Variants in SCMH1 observed in about 807,000 individuals in gnomAD.
The protein encoded by SCMH1 is polycomb protein SCMH1.
A neutral mutation model predicts 70.8 loss-of-function variants in SCMH1; 37 were observed. That is an observed-to-expected ratio of 0.52 (90% CI 0.40 to 0.69). The LOEUF (loss-of-function observed/expected upper bound fraction) is 0.69. SCMH1 is among the 30% of genes least tolerant of loss of function. The pLI, the probability that SCMH1 is intolerant of heterozygous loss-of-function variation, is 0.00. For synonymous variants in SCMH1, 292 were observed against 307.4 expected (o/e 0.95, Z 0.52); for missense variants, 607 against 827.3 (o/e 0.73, Z 3.27).
intron 12 of SCMH1, chr1:41,043,862 GTAAA>G (rs1341450951): frequency 2.0e-5 from 3 of 152,022 alleles, no homozygotes; most frequent in African/African-American, 7.2e-5. Context: ...AAATGGTTCA[GTAAA>G]TAAATGAAAA....
At chr1:41,219,932 CA>C (rs147480594) in intron 1 of SCMH1, among the ~76,000 whole-genome samples, 13,061 of 120,922 alleles carry the variant, frequency 0.11, 684 homozygotes, top group South Asian at 0.19. Context: ...CTCCGTCTCA[CA>C]AAAAAAAAAA....
intron 2 of SCMH1, among the ~76,000 whole-genome samples, chr1:41,182,858 T>G (rs1469870259): frequency 6.6e-6 from 1 of 152,216 alleles, no homozygotes; most frequent in Non-Finnish European, 1.5e-5. Flanking sequence ...TTTTAAGTAC[T>G]GCCATAAACT....
chr1:41,142,899 C>T (rs1395868761), exon 6 of SCMH1: 3 of 1,613,892 alleles, frequency 1.9e-6, no homozygotes, highest in Non-Finnish European at 1.7e-6. Flanking sequence ...TGTAGCATAC[C>T]CCCATTCTTT....
At chr1:41,190,203 CAAG>C (rs1488805100) in intron 1 of SCMH1, among the ~76,000 whole-genome samples, 1 of 152,022 alleles carries the variant, frequency 6.6e-6, no homozygotes. Flanking sequence ...AGTAAAGCAA[CAAG>C]AAGAGTGAGA....
chr1:41,228,067 G>T (rs1381780181), intron 1 of SCMH1, among the ~76,000 whole-genome samples: 2 of 152,294 alleles, frequency 1.3e-5, no homozygotes, highest in East Asian at 3.9e-4. Flanking sequence ...GCAATAGGCA[G>T]CACAGCAGAG....
chr1:41,134,119 C>T lies in SCMH1; in HGVS notation c.412+8759G>A, dbSNP rs149044532. Among the ~76,000 whole-genome samples, 295 of 152,264 alleles carry T rather than the reference C, an allele frequency of 1.9e-3. 1 individual carries two copies. The highest frequency in any genetic ancestry group is 6.5e-3 in the African/African-American group (269 of 41,556). Reference sequence around the variant, plus strand: ...TCGGCTTCATCCCTGGGAAGCAAGGCTAGTTCAACATACGCAAATCAATAA... The same window carrying T: ...TCGGCTTCATCCCTGGGAAGCAAGGTTAGTTCAACATACGCAAATCAATAA... On this transcript the variant is annotated intron_variant, in intron 6 of 14. Coordinates refer to ENST00000337495, the Ensembl canonical transcript of SCMH1.
chr1:41,169,835 G>A (rs867517415), intron 2 of SCMH1, among the ~76,000 whole-genome samples: 45 of 152,252 alleles, frequency 3.0e-4, no homozygotes, highest in African/African-American at 1.1e-3. Context: ...TCCTGCAGAG[G>A]TCTAGAGATC....
intron 12 of SCMH1, among the ~76,000 whole-genome samples, chr1:41,044,905 A>G (rs1646708076): frequency 1.3e-5 from 2 of 152,148 alleles, no homozygotes; most frequent in South Asian, 4.2e-4. Context: ...TGCTACCAGT[A>G]TGTTTCTCTC....
At chr1:41,125,197 A>C (rs1672880695) in intron 6 of SCMH1, among the ~76,000 whole-genome samples, 1 of 151,984 alleles carries the variant, frequency 6.6e-6, no homozygotes. Flanking sequence ...TAGTTGCAAA[A>C]AAGTAATTTT....
intron 6 of SCMH1, among the ~76,000 whole-genome samples, chr1:41,127,542 A>T (rs1467049951): frequency 6.6e-6 from 1 of 152,160 alleles, no homozygotes; most frequent in African/African-American, 2.4e-5. Context: ...TCTTTTCCTA[A>T]TGGCTATTAA....
At chr1:41,123,194 C>A (rs1672364110) in intron 6 of SCMH1, among the ~76,000 whole-genome samples, 5 of 152,108 alleles carry the variant, frequency 3.3e-5, no homozygotes. Context: ...TGCATTCCAG[C>A]CTGAGTGACA....
chr1:41,046,751 C>A, intron 11 of SCMH1, 153 bp from the exon 12 acceptor site: 1 of 643,960 alleles, frequency 1.6e-6, no homozygotes. Flanking sequence ...CCTTTAACTC[C>A]CTCCCTCGAG....
rs72665606 is a variant in SCMH1 at position 41,146,927 on chromosome 1, C to T, written c.178-3815G>A. 1.5e-3 allele frequency among the ~76,000 whole-genome samples: 234 copies of T among 152,158 alleles called. 2 individuals carry two copies. In the Middle Eastern group the frequency reaches 0.027, roughly 18 times the overall value. On this transcript the variant is annotated intron_variant, in intron 5 of 14. Transcript: ENST00000337495. Reference sequence around the variant, plus strand: ...ATGAATCAAAATTTTGGTCAGGCATCTTCTAAGGTTTTCTTTATATAAATT... The same window carrying T: ...ATGAATCAAAATTTTGGTCAGGCATTTTCTAAGGTTTTCTTTATATAAATT...
chr1:41,040,088 C>T (rs1398703057), intron 12 of SCMH1, among the ~76,000 whole-genome samples: 1 of 151,936 alleles, frequency 6.6e-6, no homozygotes, highest in Non-Finnish European at 1.5e-5. Flanking sequence ...ATTCCTTTGC[C>T]CATCTATAAA....
At chr1:41,066,385 C>T (rs1273804906) in intron 10 of SCMH1, among the ~76,000 whole-genome samples, 1 of 152,188 alleles carries the variant, frequency 6.6e-6, no homozygotes, top group Non-Finnish European at 1.5e-5. Flanking sequence ...GTTTCCTAGC[C>T]AATCTCAGCC....
At chr1:41,128,563 C>T (rs1399427075) in intron 6 of SCMH1, among the ~76,000 whole-genome samples, 1 of 152,040 alleles carries the variant, frequency 6.6e-6, no homozygotes, top group Admixed American at 6.6e-5. Context: ...GCTTGTTTTT[C>T]TCTGGCTGCT....
chr1:41,060,377 A>T (rs1652174094), intron 10 of SCMH1, among the ~76,000 whole-genome samples: 2 of 152,052 alleles, frequency 1.3e-5, no homozygotes, highest in African/African-American at 2.4e-5. Context: ...GCAAGAAGAG[A>T]GTGAAATATT....
intron 1 of SCMH1, among the ~76,000 whole-genome samples, chr1:41,241,370 C>T (rs1573359167): frequency 6.6e-6 from 1 of 152,330 alleles, no homozygotes; most frequent in African/African-American, 2.4e-5. Flanking sequence ...TGGCTCACTT[C>T]GGTGCGGGGC....
chr1:41,113,148 T>TA lies in SCMH1; in HGVS notation c.745+134dup. 1 of 1,161,376 alleles carries TA rather than the reference T, an allele frequency of 8.6e-7. No homozygotes were observed. Among genetic ancestry groups the TA allele is most frequent in the Non-Finnish European group, 1.2e-6 (1 of 831,486 alleles). 71.9% of individuals were successfully genotyped at this position (1,161,376 alleles called of 1,614,324 possible). A position where few individuals can be genotyped will look rare whatever the true frequency, so the allele number is the denominator to read the frequency against. ...TTGCTCCCTGGTAGACCTGGGTTTTTACCTAAGCTGCTGGCCCTTGCTCCT... is the reference window on the plus strand; with the variant it reads ...TTGCTCCCTGGTAGACCTGGGTTTTTAACCTAAGCTGCTGGCCCTTGCTCCT... On this transcript the variant is annotated intron_variant, in intron 8 of 14. Transcript: ENST00000337495. This position sits in a 1 kb window ranked among gnomAD's most constrained non-coding sequence, Gnocchi z 4.3.
Sources: gnomAD v4.1 joint callset for allele counts (sites outside exome capture counted in the v4.1 genomes callset) on GRCh38, gnomAD v4.1.1 for gene constraint, Gnocchi (gnomAD v3.1) non-coding constraint, MANE v1.5 for transcripts, NCBI Gene and HGNC (gene_info 2026-07-23, HGNC 2026-07-21) for gene names.